Variants in CUX1 observed in about 807,000 individuals in gnomAD.
The protein encoded by CUX1 is protein CASP.
A neutral mutation model predicts 158.8 loss-of-function variants in CUX1; 31 were observed. The observed-to-expected ratio is 0.20, with a 90% CI of 0.15 to 0.26. The LOEUF (loss-of-function observed/expected upper bound fraction) is 0.26. Among genes scored for constraint, CUX1 ranks in the 10% least tolerant of loss-of-function variants. CUX1 has a pLI of 1.00. For missense variants in CUX1, 1,589 were observed against 2,014.6 expected, an observed-to-expected ratio of 0.79 and a Z score of 4.04; for synonymous variants, 879 against 862.1, an observed-to-expected ratio of 1.02 and a Z score of -0.34.
chr7:101,857,468 G>A (rs1317338803), intron 1 of CUX1, among the ~76,000 whole-genome samples: 1 of 152,206 alleles, frequency 6.6e-6, no homozygotes, highest in East Asian at 1.9e-4. Flanking sequence ...TGAAAAATGA[G>A]GACTGTAGGC....
chr7:101,890,844 T>G (rs2131639411), intron 1 of CUX1, among the ~76,000 whole-genome samples: 1 of 152,314 alleles, frequency 6.6e-6, no homozygotes, highest in Middle Eastern at 3.4e-3. Context: ...CTTCTCACTT[T>G]ACACACTCAT....
At chr7:102,204,811 C>A (rs1795785916) in intron 19 of CUX1, among the ~76,000 whole-genome samples, 2 of 152,332 alleles carry the variant, frequency 1.3e-5, no homozygotes, top group South Asian at 4.1e-4. Flanking sequence ...AAATGAGTTA[C>A]CAATTTAAAA....
At chr7:102,062,811 A>T (rs1825066046) in intron 3 of CUX1, among the ~76,000 whole-genome samples, 1 of 151,868 alleles carries the variant, frequency 6.6e-6, no homozygotes, top group Non-Finnish European at 1.5e-5. Flanking sequence ...TTTGTCTTTA[A>T]ATGTAACACT....
intron 3 of CUX1, among the ~76,000 whole-genome samples, chr7:102,050,517 C>G (rs1823366413): frequency 6.6e-6 from 1 of 152,116 alleles, no homozygotes; most frequent in African/African-American, 2.4e-5. Flanking sequence ...AACGCCAGGC[C>G]TCCCTGGGGC....
chr7:102,184,383 G>T (rs1263220418), intron 11 of CUX1, among the ~76,000 whole-genome samples: 1 of 152,194 alleles, frequency 6.6e-6, no homozygotes, highest in African/African-American at 2.4e-5. Flanking sequence ...TGGGCTCCGT[G>T]TATCTTTTCC....
At chr7:102,213,422 A>G (rs1796741525) in intron 20 of CUX1, among the ~76,000 whole-genome samples, 1 of 152,214 alleles carries the variant, frequency 6.6e-6, no homozygotes, top group Non-Finnish European at 1.5e-5. Flanking sequence ...CCAAGCTAGT[A>G]TGGAACCAGG....
intron 3 of CUX1, among the ~76,000 whole-genome samples, chr7:102,049,308 C>T (rs949364750): frequency 1.3e-5 from 2 of 152,210 alleles, no homozygotes; most frequent in African/African-American, 2.4e-5. Flanking sequence ...AGCTTCGTTC[C>T]GTTCTGCCAT....
chr7:102,059,780 C>T (rs1045365103), intron 3 of CUX1, among the ~76,000 whole-genome samples: 3 of 152,144 alleles, frequency 2.0e-5, no homozygotes, highest in African/African-American at 7.2e-5. Flanking sequence ...CATTCTACAG[C>T]CAGACTTCGA....
chr7:102,097,609 A>G, intron 5 of CUX1, 108 bp downstream of exon 5: 1 of 1,164,526 alleles, frequency 8.6e-7, no homozygotes, highest in Non-Finnish European at 1.2e-6. Context: ...CTTGTAATAT[A>G]CACGTCATAA....
At chr7:102,202,446 C>T (rs529243367) in intron 18 of CUX1, among the ~76,000 whole-genome samples, 1 of 152,272 alleles carries the variant, frequency 6.6e-6, no homozygotes, top group African/African-American at 2.4e-5. Flanking sequence ...GCTGCCCTTT[C>T]GACCCCTCAC....
intron 2 of CUX1, among the ~76,000 whole-genome samples, chr7:101,988,322 G>A (rs1814604738): frequency 6.6e-6 from 1 of 152,190 alleles, no homozygotes; most frequent in Non-Finnish European, 1.5e-5. Context: ...GCTGGGGTGG[G>A]AGGCAAGAAA....
chr7:101,937,615 A>G (rs766259159), intron 2 of CUX1, among the ~76,000 whole-genome samples: 9 of 151,926 alleles, frequency 5.9e-5, no homozygotes, highest in Non-Finnish European at 1.2e-4. Context: ...GGTTCAAGCA[A>G]TTCTCCTGCC....
intron 11 of CUX1, among the ~76,000 whole-genome samples, chr7:102,187,555 C>A (rs1793765574): frequency 6.6e-6 from 1 of 152,154 alleles, no homozygotes. Context: ...CCATGCCAGG[C>A]TCTGAGACCC....
chr7:102,108,736 TTGTGTGTGTGTGTGTGTGTG>T (rs10527026), intron 6 of CUX1, among the ~76,000 whole-genome samples: 1 of 144,970 alleles, frequency 6.9e-6, no homozygotes, highest in African/African-American at 2.6e-5. Context: ...TTCATTCATT[TTGTGTGTGTGTGTGTGTGTG>T]TGTGTGTGTG....
chr7:102,138,179 G>T (rs114872400), intron 8 of CUX1, among the ~76,000 whole-genome samples: 1 of 152,082 alleles, frequency 6.6e-6, no homozygotes, highest in African/African-American at 2.4e-5. Flanking sequence ...GTGAGATCCC[G>T]TCTCCAAAAA....
At chr7:101,965,362 A>G (rs1030542262) in intron 2 of CUX1, among the ~76,000 whole-genome samples, 1 of 152,102 alleles carries the variant, frequency 6.6e-6, no homozygotes, top group African/African-American at 2.4e-5. Flanking sequence ...AGAGGTTCCC[A>G]GGTCGAGCTG....
intron 8 of CUX1, among the ~76,000 whole-genome samples, chr7:102,128,599 G>T (rs140368094): frequency 6.6e-6 from 1 of 151,644 alleles, no homozygotes; most frequent in African/African-American, 2.4e-5. Flanking sequence ...TCGCAACATC[G>T]TAAAGACCTG....
Position 102,178,527 on chromosome 7 carries a change from A to C in CUX1, c.887A>C (p.Glu296Ala). The C allele has an allele frequency of 6.2e-7, 1 of 1,613,642 alleles. No individual in the cohort carries two copies. Among genetic ancestry groups the C allele is most frequent in the Non-Finnish European group, 8.5e-7 (1 of 1,179,670 alleles). The change falls in exon 11 of 24, where the codon GAG becomes GCG. Residue 296 changes from glutamate to alanine, a missense_variant. Transcript: ENST00000292535. ...CTAGAAGTTGAGTTGGCCGCCAAGG[A>C]GCGGGAGATCGCACAGCTGGTGGAG... Reference protein sequence around the residue: ...SSLEVELAAKEREIAQLVEDV... With the variant: ...SSLEVELAAKAREIAQLVEDV...
intron 8 of CUX1, among the ~76,000 whole-genome samples, chr7:102,126,199 G>A (rs1554495208): frequency 6.6e-6 from 1 of 151,136 alleles, no homozygotes; most frequent in Non-Finnish European, 1.5e-5. Flanking sequence ...GTGTGTGTGT[G>A]TGTGTGTGTG....
Sources: gnomAD v4.1 joint callset for allele counts (sites outside exome capture counted in the v4.1 genomes callset) on GRCh38, gnomAD v4.1.1 for gene constraint, MANE v1.5 for transcripts, NCBI Gene and HGNC (gene_info 2026-07-23, HGNC 2026-07-21) for gene names.